The following PACRG variants were observed in gnomAD, a reference collection of about 807,000 sequenced individuals.
The protein encoded by PACRG is parkin coregulated, also known as parkin coregulated gene protein.
Under a neutral mutation model 29.7 loss-of-function variants are expected in PACRG, and 29 were observed. That is an observed-to-expected ratio of 0.98 (90% CI 0.73 to 1.33). PACRG has a LOEUF of 1.33. Among genes scored for constraint, PACRG ranks in the 40% most tolerant of loss-of-function variants. The pLI, the probability that PACRG is intolerant of heterozygous loss-of-function variation, is 0.00. For synonymous variants in PACRG, 116 were observed against 118.7 expected (o/e 0.98, Z 0.15); for missense variants, 279 against 316.2 (o/e 0.88, Z 0.89).
chr6:162,890,184 C>G (rs961275973), intron 2 of PACRG, among the ~76,000 whole-genome samples: 2 of 152,120 alleles, frequency 1.3e-5, no homozygotes, highest in Non-Finnish European at 2.9e-5. Flanking sequence ...AGTGATGAAC[C>G]CTTCCCATGG....
At chr6:162,816,802 T>G (rs1294830851) in intron 2 of PACRG, among the ~76,000 whole-genome samples, 3 of 151,976 alleles carry the variant, frequency 2.0e-5, no homozygotes, top group Non-Finnish European at 4.4e-5. Context: ...AACTCTTGAG[T>G]GTTGAAGGAA....
intron 2 of PACRG, among the ~76,000 whole-genome samples, chr6:163,018,961 G>A (rs1806353122): frequency 6.6e-6 from 1 of 151,962 alleles, no homozygotes; most frequent in Non-Finnish European, 1.5e-5. Flanking sequence ...TGTCTGTTAT[G>A]ATTACTTTGT....
intron 4 of PACRG, among the ~76,000 whole-genome samples, chr6:163,277,463 CATGGTGTGTGTGTATGTGTGTAT>C (rs924259615): frequency 1.4e-5 from 2 of 144,104 alleles, no homozygotes; most frequent in African/African-American, 2.6e-5. Context: ...AGTAGTATCT[CATGGTGTGTGTGTATGTGTGTAT>C]ATATATATAC....
At chr6:163,181,401 C>T (rs903728660) in intron 4 of PACRG, among the ~76,000 whole-genome samples, 2 of 151,944 alleles carry the variant, frequency 1.3e-5, no homozygotes, top group South Asian at 2.1e-4. Flanking sequence ...AAAGCAGTGC[C>T]GGGGCTGGAG....
At chr6:163,074,954 C>A (rs1812409652) in intron 3 of PACRG, among the ~76,000 whole-genome samples, 1 of 151,994 alleles carries the variant, frequency 6.6e-6, no homozygotes, top group Admixed American at 6.6e-5. Context: ...TGATTGGGCA[C>A]TGCACTCCCG....
chr6:162,888,454 G>A (rs1794523958), intron 2 of PACRG, among the ~76,000 whole-genome samples: 1 of 152,056 alleles, frequency 6.6e-6, no homozygotes, highest in African/African-American at 2.4e-5. Flanking sequence ...CAGAGACCTT[G>A]GACTTGTCTG....
intron 2 of PACRG, among the ~76,000 whole-genome samples, chr6:163,008,210 A>G (rs1805300038): frequency 6.6e-6 from 1 of 152,108 alleles, no homozygotes; most frequent in African/African-American, 2.4e-5. Context: ...TCTCACGCAC[A>G]CACTAAGACA....
chr6:163,291,715 G>A (rs562136841), intron 4 of PACRG, among the ~76,000 whole-genome samples: 4 of 152,352 alleles, frequency 2.6e-5, no homozygotes, highest in African/African-American at 9.6e-5. Context: ...TTAAAAGAAA[G>A]ACAAATGTCT....
At chr6:162,992,999 C>T (rs1230347847) in intron 2 of PACRG, among the ~76,000 whole-genome samples, 13 of 149,386 alleles carry the variant, frequency 8.7e-5, no homozygotes, top group East Asian at 2.1e-4. Flanking sequence ...TCGTTATGTA[C>T]CCAGTAGTCA....
chr6:162,823,901 C>T (rs1399397627), intron 2 of PACRG, among the ~76,000 whole-genome samples: 1 of 152,106 alleles, frequency 6.6e-6, no homozygotes, highest in Non-Finnish European at 1.5e-5. Context: ...AGGTAAACTG[C>T]CCTGCACCTG....
chr6:163,108,392 C>CTTTTTTTTTTTTT (rs528887997), intron 4 of PACRG, among the ~76,000 whole-genome samples: 1 of 90,510 alleles, frequency 1.1e-5, no homozygotes, highest in African/African-American at 4.3e-5. Context: ...TTCTCTTTCC[C>CTTTTTTTTTTTTT]TTTTTTTTTT....
chr6:163,219,858 G>A (rs1261907672), intron 4 of PACRG, among the ~76,000 whole-genome samples: 1 of 152,094 alleles, frequency 6.6e-6, no homozygotes, highest in Non-Finnish European at 1.5e-5. Flanking sequence ...CCTGGCCCCG[G>A]TCTCCATGGG....
chr6:163,234,657 T>C (rs980953393), intron 4 of PACRG, among the ~76,000 whole-genome samples: 4 of 152,116 alleles, frequency 2.6e-5, no homozygotes, highest in African/African-American at 9.7e-5. Context: ...TAGCCACAGA[T>C]GCAGGTCAAA....
chr6:162,912,335 AGGGGT>A (rs1796359531), intron 2 of PACRG, among the ~76,000 whole-genome samples: 1 of 152,044 alleles, frequency 6.6e-6, no homozygotes, highest in Non-Finnish European at 1.5e-5. Context: ...AAGTCTTCTT[AGGGGT>A]CTAAATCCAG....
At chr6:163,008,930 G>C (rs1439457384) in intron 2 of PACRG, among the ~76,000 whole-genome samples, 4 of 152,072 alleles carry the variant, frequency 2.6e-5, no homozygotes, top group South Asian at 4.1e-4. Flanking sequence ...GTTTAGGCTT[G>C]AGCTAAGCAC....
At chr6:162,946,620 T>C (rs1298066993) in intron 2 of PACRG, among the ~76,000 whole-genome samples, 1 of 152,100 alleles carries the variant, frequency 6.6e-6, no homozygotes, top group African/African-American at 2.4e-5. Context: ...GAGAGAATTC[T>C]CATTAACTCA....
chr6:163,163,131 A>G (rs1419271366), intron 4 of PACRG, among the ~76,000 whole-genome samples: 1 of 152,122 alleles, frequency 6.6e-6, no homozygotes. Flanking sequence ...TTTCTTTCCA[A>G]TTAAGTGGAT....
At chr6:163,122,589 A>G (rs1211828958) in intron 4 of PACRG, among the ~76,000 whole-genome samples, 2 of 152,110 alleles carry the variant, frequency 1.3e-5, no homozygotes, top group Non-Finnish European at 2.9e-5. Context: ...ATCCCTTCGC[A>G]ACAGCTCCCC....
At chr6:162,801,335 C>A (rs987432389) in intron 1 of PACRG, among the ~76,000 whole-genome samples, 1 of 152,102 alleles carries the variant, frequency 6.6e-6, no homozygotes, top group African/African-American at 2.4e-5. Flanking sequence ...TCTCAAACTC[C>A]TGACCTCAGG....
Sources: gnomAD v4.1 joint callset for allele counts (sites outside exome capture counted in the v4.1 genomes callset) on GRCh38, gnomAD v4.1.1 for gene constraint, MANE v1.5 for transcripts, NCBI Gene and HGNC (gene_info 2026-07-23, HGNC 2026-07-21) for gene names.